Variants in BBS9 observed in about 807,000 individuals in gnomAD.
BBS9 encodes the protein Bardet-Biedl syndrome 9, also known as protein PTHB1.
In BBS9, 89 loss-of-function variants were observed where a neutral mutation model predicts 117.7. The observed-to-expected ratio is 0.76, with a 90% CI of 0.64 to 0.90. The LOEUF is 0.90. BBS9 is among the 40% of genes least tolerant of loss of function. The pLI is 0.00. For missense variants in BBS9, 982 were observed against 1,042.2 expected (o/e 0.94, Z 0.80); for synonymous variants, 379 against 370.9 (o/e 1.02, Z -0.25).
At chr7:33,434,472 CT>C (rs1434842483) in intron 19 of BBS9, among the ~76,000 whole-genome samples, 1 of 152,050 alleles carries the variant, frequency 6.6e-6, no homozygotes, top group Non-Finnish European at 1.5e-5. Flanking sequence ...GGTGGGCTAT[CT>C]TTTCTTAGTG....
intron 5 of BBS9, among the ~76,000 whole-genome samples, chr7:33,228,555 C>G (rs1291326044): frequency 6.6e-6 from 1 of 152,048 alleles, no homozygotes; most frequent in South Asian, 2.1e-4. Flanking sequence ...CCACGTATAA[C>G]TTTTGACTCC....
At chr7:33,539,272 A>G (rs1427655084) in intron 21 of BBS9, among the ~76,000 whole-genome samples, 1 of 152,216 alleles carries the variant, frequency 6.6e-6, no homozygotes, top group Non-Finnish European at 1.5e-5. Context: ...CAACTCACTC[A>G]CACTGTTGGT....
chr7:33,396,555 A>G (rs1295385741), intron 19 of BBS9, among the ~76,000 whole-genome samples: 1 of 152,216 alleles, frequency 6.6e-6, no homozygotes, highest in Non-Finnish European at 1.5e-5. Flanking sequence ...AGGAAGAATC[A>G]GTATTGTGCA....
intron 16 of BBS9, among the ~76,000 whole-genome samples, chr7:33,363,788 C>T (rs1222237936): frequency 6.6e-6 from 1 of 151,552 alleles, no homozygotes; most frequent in Non-Finnish European, 1.5e-5. Context: ...ACTACTTCTA[C>T]ATCAGCTGAG....
At chr7:33,551,541 G>GA (rs1481100450) in intron 21 of BBS9, among the ~76,000 whole-genome samples, 2 of 152,042 alleles carry the variant, frequency 1.3e-5, no homozygotes, top group Non-Finnish European at 2.9e-5. Flanking sequence ...TATTTCCATT[G>GA]AAAAACACAA....
At chr7:33,370,886 A>G (rs548153535) in intron 17 of BBS9, among the ~76,000 whole-genome samples, 4 of 152,188 alleles carry the variant, frequency 2.6e-5, no homozygotes, top group African/African-American at 9.6e-5. Flanking sequence ...CTTGCTTCTT[A>G]AAGAATTTAG....
intron 9 of BBS9, among the ~76,000 whole-genome samples, chr7:33,330,010 A>G (rs1360119451): frequency 2.0e-5 from 3 of 151,916 alleles, no homozygotes; most frequent in Non-Finnish European, 4.4e-5. Flanking sequence ...GATTTAACAT[A>G]TAAAATTGTG....
At chr7:33,213,456 G>A (rs1348393813) in intron 5 of BBS9, among the ~76,000 whole-genome samples, 1 of 152,222 alleles carries the variant, frequency 6.6e-6, no homozygotes, top group Non-Finnish European at 1.5e-5. Flanking sequence ...GACCCCAGGA[G>A]CCTGCTTGTT....
chr7:33,521,045 G>T (rs541799697), intron 20 of BBS9, among the ~76,000 whole-genome samples: 96 of 152,018 alleles, frequency 6.3e-4, no homozygotes, highest in African/African-American at 1.7e-3. Context: ...GGAAGCTTTT[G>T]CCTGAACTAA....
At chr7:33,568,610 TTA>T (rs1278392667) in intron 21 of BBS9, among the ~76,000 whole-genome samples, 6 of 152,204 alleles carry the variant, frequency 3.9e-5, no homozygotes. Flanking sequence ...TGACAATTCC[TTA>T]CTGTTTCCAT....
At chr7:33,518,187 TTACTG>T (rs1345348280) in intron 20 of BBS9, among the ~76,000 whole-genome samples, 1 of 151,912 alleles carries the variant, frequency 6.6e-6, no homozygotes, top group Non-Finnish European at 1.5e-5. Context: ...CTAAAGCACT[TTACTG>T]TACTTCTCTA....
intron 9 of BBS9, among the ~76,000 whole-genome samples, chr7:33,312,723 C>T (rs544506068): frequency 6.6e-6 from 1 of 152,224 alleles, no homozygotes; most frequent in Non-Finnish European, 1.5e-5. Context: ...AATGACCTCC[C>T]TAGCCTTAAC....
At chr7:33,201,137 A>G (rs1785785130) in intron 5 of BBS9, among the ~76,000 whole-genome samples, 1 of 152,028 alleles carries the variant, frequency 6.6e-6, no homozygotes, top group African/African-American at 2.4e-5. Context: ...GACCATGGGC[A>G]TAATGTATTC....
At chr7:33,489,185 G>T (rs1348476350) in intron 19 of BBS9, among the ~76,000 whole-genome samples, 1 of 151,460 alleles carries the variant, frequency 6.6e-6, no homozygotes, top group Non-Finnish European at 1.5e-5. Context: ...GTAGAGATGG[G>T]GTTTCGCCAT....
chr7:33,136,545 A>T (rs757546703), intron 1 of BBS9, among the ~76,000 whole-genome samples: 2 of 151,396 alleles, frequency 1.3e-5, no homozygotes, highest in Non-Finnish European at 1.5e-5. Context: ...TAGTGTTTTG[A>T]GTGTTTTTTT....
chr7:33,521,979 G>A (rs1321271297), intron 20 of BBS9, among the ~76,000 whole-genome samples: 1 of 143,934 alleles, frequency 6.9e-6, no homozygotes, highest in Admixed American at 7.5e-5. Flanking sequence ...TCCCACCTAT[G>A]AGTGAGAATA....
chr7:33,598,597 A>G (rs1863291833), intron 21 of BBS9, among the ~76,000 whole-genome samples: 1 of 152,222 alleles, frequency 6.6e-6, no homozygotes, highest in Non-Finnish European at 1.5e-5. Flanking sequence ...TGCAGAGGAT[A>G]TATAGGAATT....
chr7:33,222,762 A>G (rs1369733843), intron 5 of BBS9, among the ~76,000 whole-genome samples: 1 of 151,766 alleles, frequency 6.6e-6, no homozygotes, highest in Non-Finnish European at 1.5e-5. Flanking sequence ...AGCCTGCCAA[A>G]ATTGGTTAAA....
At chr7:33,161,590 T>A (rs564634909) in intron 4 of BBS9, among the ~76,000 whole-genome samples, 6 of 152,340 alleles carry the variant, frequency 3.9e-5, no homozygotes, top group African/African-American at 1.4e-4. Context: ...TACGTATACA[T>A]GTGTCTTTAT....
Sources: gnomAD v4.1 joint callset for allele counts (sites outside exome capture counted in the v4.1 genomes callset) on GRCh38, gnomAD v4.1.1 for gene constraint, MANE v1.5 for transcripts, NCBI Gene and HGNC (gene_info 2026-07-23, HGNC 2026-07-21) for gene names.